Variants in RNF10 observed in about 807,000 individuals in gnomAD.
The protein encoded by RNF10 is E3 ubiquitin-protein ligase RNF10.
A neutral mutation model predicts 91.4 loss-of-function variants in RNF10; 38 were observed. The observed-to-expected ratio is 0.42, with a 90% CI of 0.32 to 0.54. The LOEUF (loss-of-function observed/expected upper bound fraction) is 0.54. Among genes scored for constraint, RNF10 ranks in the 20% least tolerant of loss-of-function variants. The pLI is 0.16. For synonymous variants in RNF10, 364 were observed against 366.3 expected, an observed-to-expected ratio of 0.99 and a Z score of 0.07; for missense variants, 945 against 1,012.0, an observed-to-expected ratio of 0.93 and a Z score of 0.90.
At chr12:120,545,306 C>T (rs1872151878) in intron 1 of RNF10, among the ~76,000 whole-genome samples, 2 of 151,420 alleles carry the variant, frequency 1.3e-5, no homozygotes, top group African/African-American at 2.4e-5. Flanking sequence ...CTCAGCCTCC[C>T]GAGTAGCTGG....
chr12:120,547,286 C>T (rs186528528), intron 2 of RNF10, among the ~76,000 whole-genome samples: 48 of 152,178 alleles, frequency 3.2e-4, no homozygotes, highest in Admixed American at 2.7e-3. Context: ...CAAGGGAGCA[C>T]ACTATATGGT....
At chr12:120,538,574 A>C (rs550474610) in intron 1 of RNF10, among the ~76,000 whole-genome samples, 6 of 152,236 alleles carry the variant, frequency 3.9e-5, no homozygotes, top group Non-Finnish European at 7.3e-5. Context: ...AACATGCAGC[A>C]GTAAATATCC....
intron 1 of RNF10, among the ~76,000 whole-genome samples, chr12:120,538,595 G>T (rs1313865233): frequency 1.3e-5 from 2 of 152,154 alleles, no homozygotes; most frequent in African/African-American, 4.8e-5. Context: ...TGTGAATATA[G>T]CTCAGAGGAG....
rs1204116138 is a variant in RNF10, at chr12:120,552,845, C to T, written c.554+147C>T. The T allele has an allele frequency of 8.7e-6, 6 of 689,764 alleles. No homozygotes were observed. In the East Asian group the frequency reaches 1.1e-4, roughly 13 times the overall value. The allele number at this position is 689,764 out of a possible 1,614,324, so 42.7% of individuals were successfully genotyped here. A position where few individuals can be genotyped will look rare whatever the true frequency, so the allele number is the denominator to read the frequency against. On this transcript the variant is annotated intron_variant, in intron 3 of 16. Transcript: ENST00000325954. Reference sequence around the variant, plus strand: ...TCTTTTTCTGTTCACCACTGCCCCGCCCTTCCTTTCTTTTACCCACTTTCC... The same window carrying T: ...TCTTTTTCTGTTCACCACTGCCCCGTCCTTCCTTTCTTTTACCCACTTTCC...
Position 120,549,755 on chromosome 12 carries a change from A to T in RNF10, c.355-2744A>T, listed in dbSNP as rs919775289. On this transcript the variant is annotated intron_variant, in intron 2 of 16. Transcript: ENST00000325954. ...ACCTGAGATCGCACCACTGCACTCC[A>T]GCTTGGGCGACAGAGCAAGACTCCA... 2.0e-5 allele frequency among the ~76,000 whole-genome samples: 3 copies of T among 152,232 alleles called. 1 individual carries two copies. Among genetic ancestry groups the T allele is most frequent in the Non-Finnish European group, 1.5e-5 (1 of 68,044 alleles).
At chr12:120,556,153 T>C (rs1873970920) in intron 4 of RNF10, among the ~76,000 whole-genome samples, 1 of 151,998 alleles carries the variant, frequency 6.6e-6, no homozygotes, top group South Asian at 2.1e-4. Context: ...GGTATCCCCT[T>C]GTTGGTCCTA....
chr12:120,542,325 T>A (rs1871693062), intron 1 of RNF10, among the ~76,000 whole-genome samples: 2 of 152,136 alleles, frequency 1.3e-5, no homozygotes. Flanking sequence ...GGCTAATTTT[T>A]AAATTTTTTG....
At chr12:120,567,389 G>A (rs925968602) in intron 13 of RNF10, among the ~76,000 whole-genome samples, 2 of 151,280 alleles carry the variant, frequency 1.3e-5, no homozygotes, top group Non-Finnish European at 2.9e-5. Flanking sequence ...CTAAATTATA[G>A]TATTTATACT....
chr12:120,577,181 G>C lies in RNF10; in HGVS notation c.*515G>C. ...GGATTTAGGACACCCAGTTTGAATT[G>C]CAGTTTTTTTTTTTCTGACACATGG... On this transcript the variant is annotated 3_prime_UTR_variant, in exon 17 of 17. Coordinates refer to ENST00000325954, the MANE Select transcript of RNF10 (RefSeq NM_014868.5). The C allele has an allele frequency of 2.2e-6, 1 of 452,898 alleles. No individual in the cohort carries two copies. Among genetic ancestry groups the C allele is most frequent in the South Asian group, 1.6e-5 (1 of 63,620 alleles). The allele number at this position is 452,898 out of a possible 1,614,324, so 28.1% of individuals were successfully genotyped here. A position where few individuals can be genotyped will look rare whatever the true frequency, so the allele number is the denominator to read the frequency against.
intron 13 of RNF10, among the ~76,000 whole-genome samples, chr12:120,567,322 C>T (rs1236320582): frequency 1.7e-5 from 2 of 119,826 alleles, no homozygotes; most frequent in Admixed American, 2.1e-4. Context: ...ATTGTAGCAT[C>T]GTTTTAATAG....
At chr12:120,556,594 A>G (rs531084928) in intron 4 of RNF10, among the ~76,000 whole-genome samples, 11 of 150,956 alleles carry the variant, frequency 7.3e-5, no homozygotes, top group Non-Finnish European at 1.5e-4. Context: ...GTATAAAATC[A>G]TCTGAGAATG....
At chr12:120,574,236 A>G (rs1185509877) in intron 14 of RNF10, among the ~76,000 whole-genome samples, 1 of 152,258 alleles carries the variant, frequency 6.6e-6, no homozygotes, top group African/African-American at 2.4e-5. Flanking sequence ...CTTGAGTAAT[A>G]GGCATTCCTC....
chr12:120,536,532 G>C (rs148229374), intron 1 of RNF10, among the ~76,000 whole-genome samples: 88 of 152,252 alleles, frequency 5.8e-4, no homozygotes, highest in African/African-American at 1.9e-3. Flanking sequence ...TGGCAAACTT[G>C]TTTACCTGGT....
At chr12:120,541,486 A>G (rs374264680) in intron 1 of RNF10, among the ~76,000 whole-genome samples, 3 of 149,250 alleles carry the variant, frequency 2.0e-5, no homozygotes, top group African/African-American at 4.9e-5. Context: ...CCAGACTGGA[A>G]TGCAGTGGCA....
At chr12:120,545,075 C>T (rs757974587) in intron 1 of RNF10, among the ~76,000 whole-genome samples, 9 of 152,234 alleles carry the variant, frequency 5.9e-5, no homozygotes, top group Non-Finnish European at 1.3e-4. Context: ...AAAAGGAAAA[C>T]ACTGTTAATG....
chr12:120,550,323 C>T lies in RNF10; in HGVS notation c.355-2176C>T, dbSNP rs116412176. On this transcript the variant is annotated intron_variant, in intron 2 of 16. Coordinates refer to ENST00000325954, the MANE Select transcript of RNF10 (RefSeq NM_014868.5). ...CAAGGACCTGGAGTTCAGGGTATTG[C>T]GAGGATAATCAGGAAGTATGAGTGG... 4.7e-3 allele frequency among the ~76,000 whole-genome samples: 717 copies of T among 151,884 alleles called. 6 individuals are homozygous for T. The highest frequency in any genetic ancestry group is 0.016 in the African/African-American group (660 of 41,408).
At chr12:120,539,987 A>C (rs931801857) in intron 1 of RNF10, among the ~76,000 whole-genome samples, 24 of 151,662 alleles carry the variant, frequency 1.6e-4, no homozygotes, top group African/African-American at 5.6e-4. Flanking sequence ...GGTGTCCACC[A>C]CCACACCGGC....
chr12:120,562,574 G>A (rs914259492), intron 7 of RNF10, among the ~76,000 whole-genome samples: 1 of 151,998 alleles, frequency 6.6e-6, no homozygotes, highest in African/African-American at 2.4e-5. Flanking sequence ...ACACCTGGCC[G>A]TATGTGTCTT....
At chr12:120,557,150 A>G (rs940686930) in intron 4 of RNF10, 132 bp from the exon 5 acceptor site, 8 of 753,344 alleles carry the variant, frequency 1.1e-5, no homozygotes, top group Non-Finnish European at 1.8e-5. Flanking sequence ...TTTTAGAAAG[A>G]TATGTTGAGT....
Sources: gnomAD v4.1 joint callset for allele counts (sites outside exome capture counted in the v4.1 genomes callset) on GRCh38, gnomAD v4.1.1 for gene constraint, MANE v1.5 for transcripts, NCBI Gene and HGNC (gene_info 2026-07-23, HGNC 2026-07-21) for gene names.